Variants in TRIM11 observed in about 807,000 individuals in gnomAD.
The protein encoded by TRIM11 is tripartite motif containing 11, also known as E3 ubiquitin-protein ligase TRIM11.
In TRIM11, 15 loss-of-function variants were observed where a neutral mutation model predicts 33.4. The ratio of observed to expected loss-of-function variants is 0.45; its 90% CI spans 0.30 to 0.69. The LOEUF is 0.69. Among genes scored for constraint, TRIM11 ranks in the 30% least tolerant of loss-of-function variants. The pLI is 0.08. For missense variants in TRIM11, 499 were observed against 667.6 expected, an observed-to-expected ratio of 0.75 and a Z score of 2.78; for synonymous variants, 281 against 302.6, an observed-to-expected ratio of 0.93 and a Z score of 0.74.
chr1:228,406,103 CCAGT>C lies in TRIM11; in HGVS notation c.408+47_408+50del. 1 of 1,339,064 alleles carries C rather than the reference CCAGT, an allele frequency of 7.5e-7. No homozygotes were observed. The allele number at this position is 1,339,064 out of a possible 1,614,324, so 82.9% of individuals were successfully genotyped here. A position where few individuals can be genotyped will look rare whatever the true frequency, so the allele number is the denominator to read the frequency against. Reference sequence around the variant, plus strand: ...AAACCTCCCACCCGCCCAGGCCTCCCCAGTCCCCGGCTCCCCGACGCCCCTGCAC... The same window carrying C: ...AAACCTCCCACCCGCCCAGGCCTCCCCCCCGGCTCCCCGACGCCCCTGCAC... On this transcript the variant is annotated intron_variant, in intron 1 of 5. Transcript: ENST00000284551. The surrounding 1 kb of genome is among the most constrained non-coding windows in gnomAD (Gnocchi z 8.2).
chr1:228,405,902 G>A (rs1656392859), intron 1 of TRIM11: 2 of 402,010 alleles, frequency 5.0e-6, no homozygotes, highest in Non-Finnish European at 8.6e-6. Flanking sequence ...CCTCACCCCC[G>A]AGAGCAGGGT....
chr1:228,396,799 G>C, intron 5 of TRIM11, 148 bp downstream of exon 5: 2 of 761,338 alleles, frequency 2.6e-6, no homozygotes, highest in Non-Finnish European at 4.8e-6. Flanking sequence ...AGAAGTATGA[G>C]CAGAGGACGT....
At position 228,401,906 on chromosome 1, in the gene TRIM11, C is replaced by T. The variant is rs1054419924; in HGVS notation, c.504+160G>A. On this transcript the variant is annotated intron_variant, in intron 2 of 5. Coordinates refer to ENST00000284551, the MANE Select transcript of TRIM11 (RefSeq NM_145214.3). This position sits in a 1 kb window ranked among gnomAD's most constrained non-coding sequence, Gnocchi z 6.1. Reference sequence around the variant, plus strand: ...CAGGACAGGTGCACGTGGGAAAGGACCAGCCCTTCAGTGGGCTCGGTGGGG... The same window carrying T: ...CAGGACAGGTGCACGTGGGAAAGGATCAGCCCTTCAGTGGGCTCGGTGGGG... Among the ~76,000 whole-genome samples, 3 of 152,158 alleles carry T rather than the reference C, an allele frequency of 2.0e-5. No homozygotes were observed. The highest frequency in any genetic ancestry group is 6.5e-5 in the Admixed American group (1 of 15,290).
intron 3 of TRIM11, among the ~76,000 whole-genome samples, chr1:228,398,188 C>T (rs533110115): frequency 4.8e-4 from 73 of 152,336 alleles, no homozygotes; most frequent in African/African-American, 1.6e-3. Flanking sequence ...TTCATTCTAA[C>T]ACACGTGGTG....
chr1:228,406,417 C>A lies in TRIM11; in HGVS notation c.145G>T (p.Gly49Cys). The change falls in exon 1 of 6, where the codon GGC becomes TGC. Residue 49 changes from glycine to cysteine, a missense_variant. Coordinates refer to ENST00000284551, the MANE Select transcript of TRIM11 (RefSeq NM_145214.3). The surrounding 1 kb of genome is among the most constrained non-coding windows in gnomAD (Gnocchi z 8.2). ...CIRRCWGQPE[G>C]PYACPECREL... ...CGGCACTCGGGGCACGCGTACGGGC[C>A]CTCGGGCTGGCCCCAGCAGCGCCGG... The A allele has an allele frequency of 3.8e-6, 6 of 1,579,114 alleles. No individual in the cohort carries two copies. In the East Asian group the frequency reaches 1.2e-4, roughly 31 times the overall value.
rs887375284 is a variant in TRIM11 at position 228,397,021 on chromosome 1, G to C, written c.785C>G (p.Pro262Arg). 1.2e-6 allele frequency: 2 copies of C among 1,613,822 alleles called. No homozygotes were observed. Among genetic ancestry groups the C allele is most frequent in the East Asian group, 2.2e-5 (1 of 44,868 alleles). Reference protein sequence around the residue: ...RRVQDVKLQPPEVVPMELRTV... With the variant: ...RRVQDVKLQPREVVPMELRTV... ...CCTCAGCTCCATAGGCACAACTTCTGGGGGCTGCAGCTTCACATCCTGGAC... is the reference window on the plus strand; with the variant it reads ...CCTCAGCTCCATAGGCACAACTTCTCGGGGCTGCAGCTTCACATCCTGGAC... Residue 262 changes from proline (P) to arginine (R), a missense_variant, in exon 5 of 6, where the codon CCA (proline) becomes CGA (arginine). Physicochemically the swap from Pro to Arg is moderately radical, Grantham distance 103 (BLOSUM62 -2). Coordinates refer to ENST00000284551, the MANE Select transcript of TRIM11 (RefSeq NM_145214.3).
chr1:228,402,394 C>T (rs975602100), intron 1 of TRIM11: 1 of 423,914 alleles, frequency 2.4e-6, no homozygotes, highest in Non-Finnish European at 4.3e-6. Flanking sequence ...TCATATGGGG[C>T]ATTTCTAGTC....
Position 228,406,771 on chromosome 1 carries a change from C to G in TRIM11, c.-210G>C. 3.0e-6 allele frequency: 1 copy of G among 336,972 alleles called. No individual in the cohort carries two copies. The highest frequency in any genetic ancestry group is 5.3e-5 in the Admixed American group (1 of 18,832). The allele number at this position is 336,972 out of a possible 1,614,324, so 20.9% of individuals were successfully genotyped here. A position where few individuals can be genotyped will look rare whatever the true frequency, so the allele number is the denominator to read the frequency against. On this transcript the variant is annotated 5_prime_UTR_variant, in exon 1 of 6. Coordinates refer to ENST00000284551, the MANE Select transcript of TRIM11 (RefSeq NM_145214.3). This position sits in a 1 kb window ranked among gnomAD's most constrained non-coding sequence, Gnocchi z 8.2. ...GTTTCGGTAGCGCTGGGCGCGTAGG[C>G]TCCGAGCGCTCGGGGGACGCGGGAC...
chr1:228,394,961 C>T lies in TRIM11; in HGVS notation c.1151G>A (p.Gly384Glu). The T allele has an allele frequency of 6.2e-7, 1 of 1,614,148 alleles. No homozygotes were observed. The highest frequency in any genetic ancestry group is 8.5e-7 in the Non-Finnish European group (1 of 1,180,012). Reference sequence around the variant, plus strand: ...CCGTTCCGAGGAATTGTAATAGCTCCCCAGGAAGACCAGGATCCAGAAGCC... The same window carrying T: ...CCGTTCCGAGGAATTGTAATAGCTCTCCAGGAAGACCAGGATCCAGAAGCC... Reference protein sequence around the residue: ...GNGFWILVFLGSYYNSSERAL... With the variant: ...GNGFWILVFLESYYNSSERAL... Residue 384 changes from glycine to glutamate, a missense_variant, in exon 6 of 6, where the codon GGG (glycine) becomes GAG (glutamate). Coordinates refer to ENST00000284551, the MANE Select transcript of TRIM11 (RefSeq NM_145214.3). This position sits in a 1 kb window ranked among gnomAD's most constrained non-coding sequence, Gnocchi z 6.2.
In TRIM11 at chr1:228,395,118, G is replaced by A. The variant is rs1000606044; in HGVS notation, c.994C>T (p.Leu332=). 3.8e-6 allele frequency: 6 copies of A among 1,587,138 alleles called. No individual in the cohort carries two copies. In the African/African-American group the frequency reaches 8.1e-5, roughly 21 times the overall value. The part of the protein sequence containing the change: ...PERFDPGPCV[L]GQERFTSGRH... ...CCTGAGGTGAAGCGCTCCTGGCCCA[G>A]CACGCAGGGGCCGGGGTCAAAGCGC... The change falls in exon 6 of 6, where the codon CTG becomes TTG. Residue 332 remains leucine (L), a synonymous_variant. Coordinates refer to ENST00000284551, the MANE Select transcript of TRIM11 (RefSeq NM_145214.3). This position sits in a 1 kb window ranked among gnomAD's most constrained non-coding sequence, Gnocchi z 4.8.
chr1:228,395,256 C>T lies in TRIM11; in HGVS notation c.860-4G>A, dbSNP rs1460523716. On this transcript the variant is annotated splice_polypyrimidine_tract_variant and splice_region_variant and intron_variant, in intron 5 of 5. Transcript: ENST00000284551. The surrounding 1 kb of genome is among the most constrained non-coding windows in gnomAD (Gnocchi z 4.8). Reference sequence around the variant, plus strand: ...TCCGGGTCCAAGGTCACGTCCCCTGCAGAGAGAGGCCCAAGGTCACCCAGG... The same window carrying T: ...TCCGGGTCCAAGGTCACGTCCCCTGTAGAGAGAGGCCCAAGGTCACCCAGG... 6.9e-7 allele frequency: 1 copy of T among 1,451,054 alleles called. No individual in the cohort carries two copies. The highest frequency in any genetic ancestry group is 1.5e-5 in the South Asian group (1 of 66,804). The allele number at this position is 1,451,054 out of a possible 1,614,324, so 89.9% of individuals were successfully genotyped here.
At position 228,397,147 on chromosome 1, in the gene TRIM11, G is replaced by C; in HGVS notation, c.754C>G (p.Arg252Gly). The C allele has an allele frequency of 6.2e-7, 1 of 1,613,648 alleles. No homozygotes were observed. Among genetic ancestry groups the C allele is most frequent in the Non-Finnish European group, 8.5e-7 (1 of 1,179,740 alleles). ...CAGGAGAGGCTGGGTTCGTACCTGCGCAGGGCGTCCTTGATGTCCTATGTG... is the reference window on the plus strand; with the variant it reads ...CAGGAGAGGCTGGGTTCGTACCTGCCCAGGGCGTCCTTGATGTCCTATGTG... Reference protein sequence around the residue: ...GLLQDIKDALRRVQDVKLQPP... With the variant: ...GLLQDIKDALGRVQDVKLQPP... Residue 252 changes from arginine (R) to glycine (G), a missense_variant, in exon 4 of 6, where the codon CGC (arginine) becomes GGC (glycine). Arg to Gly is a moderately radical substitution (Grantham distance 125). Coordinates refer to ENST00000284551, the MANE Select transcript of TRIM11 (RefSeq NM_145214.3).
chr1:228,401,873 C>T lies in TRIM11; in HGVS notation c.504+193G>A, dbSNP rs573344749. Among the ~76,000 whole-genome samples, 7 of 152,282 alleles carry T rather than the reference C, an allele frequency of 4.6e-5. No homozygotes were observed. The highest frequency in any genetic ancestry group is 1.2e-4 in the African/African-American group (5 of 41,550). ...CTTGCAGTATGGGAGCCCACGCCCA[C>T]GACCTGGCAGGACAGGTGCACGTGG... On this transcript the variant is annotated intron_variant, in intron 2 of 5. Transcript: ENST00000284551. The surrounding 1 kb of genome is among the most constrained non-coding windows in gnomAD (Gnocchi z 6.1).
At position 228,394,912 on chromosome 1, in the gene TRIM11, T is replaced by C. The variant is rs2074966242; in HGVS notation, c.1200A>G (p.Pro400=). Residue 400 remains proline, a synonymous_variant, in exon 6 of 6, where the codon CCA becomes CCG. Transcript: ENST00000284551. The surrounding 1 kb of genome is among the most constrained non-coding windows in gnomAD (Gnocchi z 6.2). ...SERALAPLRD[P]PRRVGIFLDY... ...CCAGAAAGATCCCCACGCGCCTGGG[T>C]GGGTCCCGGAGTGGAGCCAAGGCCC... The C allele has an allele frequency of 2.5e-6, 4 of 1,613,990 alleles. No homozygotes were observed. In the East Asian group the frequency reaches 6.7e-5, roughly 27 times the overall value.
At position 228,406,087 on chromosome 1, in the gene TRIM11, A is replaced by AC; in HGVS notation, c.408+66dup. On this transcript the variant is annotated intron_variant, in intron 1 of 5. Transcript: ENST00000284551. The surrounding 1 kb of genome is among the most constrained non-coding windows in gnomAD (Gnocchi z 8.2). ...CCCGGAGCAGTCCCCCAAACCTCCC[A>AC]CCCGCCCAGGCCTCCCCAGTCCCCG... 4 of 614,386 alleles carry AC rather than the reference A, an allele frequency of 6.5e-6. No homozygotes were observed. Among genetic ancestry groups the AC allele is most frequent in the Non-Finnish European group, 9.5e-6 (4 of 422,658 alleles). The allele number at this position is 614,386 out of a possible 1,614,324, so 38.1% of individuals were successfully genotyped here. A position where few individuals can be genotyped will look rare whatever the true frequency, so the allele number is the denominator to read the frequency against.
Position 228,401,542 on chromosome 1 carries a change from C to A in TRIM11, c.505-348G>T, listed in dbSNP as rs532266248. Among the ~76,000 whole-genome samples, 7 of 152,228 alleles carry A rather than the reference C, an allele frequency of 4.6e-5. No individual in the cohort carries two copies. In the East Asian group the frequency reaches 1.4e-3, roughly 29 times the overall value. The stretch of plus-strand genomic sequence containing the variant: ...TCCCTCCCCAACTTCCAAATCCACC[C>A]ATTGGCTTGGTAGAACCCTGCATCT... On this transcript the variant is annotated intron_variant, in intron 2 of 5. Transcript: ENST00000284551. This position sits in a 1 kb window ranked among gnomAD's most constrained non-coding sequence, Gnocchi z 6.1.
At position 228,394,781 on chromosome 1, in the gene TRIM11, G is replaced by T; in HGVS notation, c.1331C>A (p.Pro444His). Residue 444 changes from proline (P) to histidine (H), a missense_variant, in exon 6 of 6, where the codon CCC becomes CAC. Coordinates refer to ENST00000284551, the MANE Select transcript of TRIM11 (RefSeq NM_145214.3). This position sits in a 1 kb window ranked among gnomAD's most constrained non-coding sequence, Gnocchi z 6.2. ...CATCGGGGTCGGGCTGCTGGACAGG[G>T]GTGAGAAGAGGGGCCGCAGCGTCCC... ...FSGTLRPLFS[P>H]LSSSPTPMTI... The T allele has an allele frequency of 6.2e-7, 1 of 1,614,042 alleles. No homozygotes were observed. Among genetic ancestry groups the T allele is most frequent in the Non-Finnish European group, 8.5e-7 (1 of 1,179,978 alleles).
Position 228,394,150 on chromosome 1 carries a change from T to A in TRIM11, c.*555A>T, listed in dbSNP as rs992728930. The A allele has an allele frequency of 6.5e-6, 1 of 152,798 alleles. No individual in the cohort carries two copies. The highest frequency in any genetic ancestry group is 2.4e-5 in the African/African-American group (1 of 41,474). 9.5% of individuals were successfully genotyped at this position (152,798 alleles called of 1,614,324 possible). On this transcript the variant is annotated 3_prime_UTR_variant, in exon 6 of 6. Transcript: ENST00000284551. The surrounding 1 kb of genome is among the most constrained non-coding windows in gnomAD (Gnocchi z 6.2). ...TTCCTGTCCTCACTGGCCCCTCCCA[T>A]CATCTCTCTGAAGACTCTTATTATG...
At chr1:228,396,431 C>T (rs1451619609) in intron 5 of TRIM11, 1 of 553,468 alleles carries the variant, frequency 1.8e-6, no homozygotes, top group Non-Finnish European at 3.2e-6. Context: ...CTGAGCCCTT[C>T]CCCAGGCTTT....
Sources: gnomAD v4.1 joint callset for allele counts (sites outside exome capture counted in the v4.1 genomes callset) on GRCh38, gnomAD v4.1.1 for gene constraint, Gnocchi (gnomAD v3.1) non-coding constraint, MANE v1.5 for transcripts, NCBI Gene and HGNC (gene_info 2026-07-23, HGNC 2026-07-21) for gene names.